Variants in DOCK5 observed in about 807,000 individuals in gnomAD.
The protein encoded by DOCK5 is dedicator of cytokinesis 5, also known as dedicator of cytokinesis protein 5.
DOCK5 carries 142 observed loss-of-function variants against 251.8 expected under a neutral mutation model. The observed-to-expected ratio is 0.56, with a 90% CI of 0.49 to 0.65. The LOEUF is 0.65. DOCK5 is among the 30% of genes least tolerant of loss of function. The pLI, the probability that DOCK5 is intolerant of heterozygous loss-of-function variation, is 0.00. For synonymous variants in DOCK5, 842 were observed against 835.5 expected, an observed-to-expected ratio of 1.01 and a Z score of -0.13; for missense variants, 2,111 against 2,312.3, an observed-to-expected ratio of 0.91 and a Z score of 1.79.
At position 25,360,738 on chromosome 8, in the gene DOCK5, A is replaced by G. The variant is rs73562337; in HGVS notation, c.2949+1677A>G. ...ACTAGCTGTTTGTAACAATAATTGT[A>G]TTATTATTGCTATATAAAGTAAAAT... On this transcript the variant is annotated intron_variant, in intron 28 of 51. Coordinates refer to ENST00000276440, the MANE Select transcript of DOCK5 (RefSeq NM_024940.8). Among the ~76,000 whole-genome samples, 482 of 152,240 alleles carry G rather than the reference A, an allele frequency of 3.2e-3. 2 individuals carry two copies. The highest frequency in any genetic ancestry group is 0.011 in the African/African-American group (451 of 41,510).
Position 25,332,247 on chromosome 8 carries a change from C to A in DOCK5, c.1904-4C>A. ...TATCTAATGTTTGTGGTTGTTCTTCCTAGTTGACCTGTTAGGCTTGTTAAA... is the reference window on the plus strand; with the variant it reads ...TATCTAATGTTTGTGGTTGTTCTTCATAGTTGACCTGTTAGGCTTGTTAAA... On this transcript the variant is annotated splice_polypyrimidine_tract_variant and splice_region_variant and intron_variant, in intron 18 of 51. Transcript: ENST00000276440. 1 of 1,612,156 alleles carries A rather than the reference C, an allele frequency of 6.2e-7. No homozygotes were observed. The highest frequency in any genetic ancestry group is 8.5e-7 in the Non-Finnish European group (1 of 1,178,536).
chr8:25,238,827 C>T (rs1042633632), intron 1 of DOCK5, among the ~76,000 whole-genome samples: 2 of 152,140 alleles, frequency 1.3e-5, no homozygotes, highest in Admixed American at 6.5e-5. Context: ...TTTCTGACAT[C>T]GTTATTATAC....
intron 42 of DOCK5, 62 bp downstream of exon 42, chr8:25,390,349 A>G: frequency 1.4e-6 from 2 of 1,406,648 alleles, no homozygotes; most frequent in Non-Finnish European, 9.6e-7. Context: ...GCTCACATCT[A>G]TAATCTCAAC....
At chr8:25,330,076 T>G (rs1462629292) in intron 18 of DOCK5, among the ~76,000 whole-genome samples, 1 of 152,180 alleles carries the variant, frequency 6.6e-6, no homozygotes, top group African/African-American at 2.4e-5. Context: ...GGGTGAATAT[T>G]CACCCCTGGT....
chr8:25,210,334 C>T (rs1802106840), intron 1 of DOCK5, among the ~76,000 whole-genome samples: 1 of 67,418 alleles, frequency 1.5e-5, no homozygotes, highest in African/African-American at 3.4e-5. Context: ...AGCATGATGT[C>T]AGTGATCAGG....
chr8:25,358,947 T>C lies in DOCK5; in HGVS notation c.2851-16T>C, dbSNP rs1413575717. ...GTCTAAGGAGTCTTGGATTTGTGCTTTCCTTTTCCTTCCAGGGGAGTTTTG... is the reference window on the plus strand; with the variant it reads ...GTCTAAGGAGTCTTGGATTTGTGCTCTCCTTTTCCTTCCAGGGGAGTTTTG... On this transcript the variant is annotated splice_polypyrimidine_tract_variant and intron_variant, in intron 27 of 51. Coordinates refer to ENST00000276440, the MANE Select transcript of DOCK5 (RefSeq NM_024940.8). 3 of 1,611,920 alleles carry C rather than the reference T, an allele frequency of 1.9e-6. No individual in the cohort carries two copies. Among genetic ancestry groups the C allele is most frequent in the Non-Finnish European group, 2.5e-6 (3 of 1,178,114 alleles).
intron 10 of DOCK5, 95 bp from the exon 11 acceptor site, chr8:25,304,160 C>A (rs1804840137): frequency 4.9e-6 from 5 of 1,015,306 alleles, no homozygotes; most frequent in Non-Finnish European, 7.0e-6. Context: ...TTTCTTCCTG[C>A]AGTGTTTGAT....
At chr8:25,395,274 G>A (rs146221767) in intron 44 of DOCK5, among the ~76,000 whole-genome samples, 2 of 152,232 alleles carry the variant, frequency 1.3e-5, no homozygotes, top group African/African-American at 2.4e-5. Context: ...TAATGCGAGC[G>A]ATGGAGAGTG....
At position 25,298,903 on chromosome 8, in the gene DOCK5, G is replaced by A. The variant is rs1319198518; in HGVS notation, c.607-41G>A. ...TTATTTTTGCCAACATTTCCCATTTGCCAAAATCAAGATGTTTTTCTCTGT... is the reference window on the plus strand; with the variant it reads ...TTATTTTTGCCAACATTTCCCATTTACCAAAATCAAGATGTTTTTCTCTGT... On this transcript the variant is annotated intron_variant, in intron 7 of 51. Coordinates refer to ENST00000276440, the MANE Select transcript of DOCK5 (RefSeq NM_024940.8). 7 of 1,550,190 alleles carry A rather than the reference G, an allele frequency of 4.5e-6. No individual in the cohort carries two copies. In the Admixed American group the frequency reaches 8.3e-5, roughly 18 times the overall value.
At chr8:25,316,947 A>G in intron 13 of DOCK5, 60 bp from the exon 14 acceptor site, 1 of 1,599,552 alleles carries the variant, frequency 6.3e-7, no homozygotes, top group East Asian at 2.2e-5. Flanking sequence ...GTCGTATGAC[A>G]TTCTGAAACT....
In DOCK5 at chr8:25,411,289, AT is replaced by A; in HGVS notation, c.5605del (p.Ser1869ProfsTer35). On this transcript the variant is annotated frameshift_variant, in exon 52 of 52. Transcript: ENST00000276440. LOFTEE classifies it high-confidence loss of function. ...CTGGCATCCCTACTTCCGAGCCTGG[AT>A]CCCAGTAAGGATCTTGCCCTCCCTG... is the stretch of plus-strand genomic sequence containing the variant. The part of the protein sequence containing the change: ...KSGIPTSEPG[S>X]Q 5.2e-6 allele frequency: 8 copies of A among 1,552,968 alleles called. No individual in the cohort carries two copies. The Admixed American group carries it at 5.9e-5, about 12-fold the overall frequency.
At chr8:25,380,459 G>C (rs1188782075) in intron 39 of DOCK5, 65 bp downstream of exon 39, 2 of 1,344,296 alleles carry the variant, frequency 1.5e-6, no homozygotes, top group African/African-American at 2.9e-5. Context: ...TCATGAAAAT[G>C]TTTCCGTAAG....
At chr8:25,188,424 CTT>C in intron 1 of DOCK5, among the ~76,000 whole-genome samples, 1 of 152,334 alleles carries the variant, frequency 6.6e-6, no homozygotes. Context: ...CTAGCTATGA[CTT>C]TGCCTGTTGT....
intron 13 of DOCK5, among the ~76,000 whole-genome samples, chr8:25,313,703 C>T (rs71517813): frequency 0.053 from 8,091 of 152,264 alleles, 299 homozygotes; most frequent in South Asian, 0.13. Context: ...AGGCCTGTCT[C>T]CTTGGCTTGC....
Position 25,197,575 on chromosome 8 carries a change from C to CTTT in DOCK5, c.43+12649_43+12651dup, listed in dbSNP as rs541455591. The stretch of plus-strand genomic sequence containing the variant: ...CTCTCTTTAAGGATCGTGTCTTTGT[C>CTTT]TTTTTTTTTTTTTTTTTTTTTTTTT... On this transcript the variant is annotated intron_variant, in intron 1 of 51. Coordinates refer to ENST00000276440, the MANE Select transcript of DOCK5 (RefSeq NM_024940.8). 2.3e-3 allele frequency among the ~76,000 whole-genome samples: 247 copies of CTTT among 108,258 alleles called. 37 individuals are homozygous for CTTT. Among genetic ancestry groups the CTTT allele is most frequent in the African/African-American group, 8.7e-3 (211 of 24,288 alleles). The allele number at this position is 108,258 out of a possible 152,430, so 71.0% of individuals were successfully genotyped here.
intron 1 of DOCK5, among the ~76,000 whole-genome samples, chr8:25,236,860 A>G (rs1380719503): frequency 6.6e-6 from 1 of 151,808 alleles, no homozygotes; most frequent in Non-Finnish European, 1.5e-5. Context: ...CGGCCTCCCA[A>G]AGTTCTGGGA....
chr8:25,232,766 G>A (rs1263860332), intron 1 of DOCK5, among the ~76,000 whole-genome samples: 2 of 152,048 alleles, frequency 1.3e-5, no homozygotes, highest in Non-Finnish European at 2.9e-5. Context: ...ACATTTAGGG[G>A]TACAGGAGAC....
rs540814352 is a variant in DOCK5, at chr8:25,323,533, A to G, written c.1616-315A>G. On this transcript the variant is annotated intron_variant, in intron 16 of 51. Coordinates refer to ENST00000276440, the MANE Select transcript of DOCK5 (RefSeq NM_024940.8). ...GGAAGGACAGCAAGATGGAGAGAGA[A>G]GAGACAGGCTCCAGAGCTGTTTAGG... 9.9e-5 allele frequency among the ~76,000 whole-genome samples: 15 copies of G among 152,262 alleles called. No homozygotes were observed. In the South Asian group the frequency reaches 3.1e-3, roughly 32 times the overall value.
intron 12 of DOCK5, among the ~76,000 whole-genome samples, chr8:25,309,934 T>C (rs1805044362): frequency 6.6e-6 from 1 of 152,228 alleles, no homozygotes; most frequent in Admixed American, 6.5e-5. Context: ...TAATTCATTA[T>C]TGGGAATTTA....
Sources: allele counts gnomAD v4.1 joint callset (sites outside exome capture counted in the v4.1 genomes callset), GRCh38; gene constraint gnomAD v4.1.1; transcripts MANE v1.5; gene names NCBI Gene and HGNC (gene_info 2026-07-23, HGNC 2026-07-21).